The following SLC4A10 variants were observed in gnomAD, a reference collection of about 807,000 sequenced individuals.
SLC4A10 encodes the protein solute carrier family 4 member 10, also known as sodium-driven chloride bicarbonate exchanger.
Under a neutral mutation model 137.7 loss-of-function variants are expected in SLC4A10, and 42 were observed. The observed-to-expected ratio is 0.30, with a 90% CI of 0.24 to 0.39. The LOEUF (loss-of-function observed/expected upper bound fraction) is 0.39. Among genes scored for constraint, SLC4A10 ranks in the 10% least tolerant of loss-of-function variants. The pLI is 1.00. For missense variants in SLC4A10, 925 were observed against 1,355.0 expected (o/e 0.68, Z 4.98); for synonymous variants, 474 against 464.1 (o/e 1.02, Z -0.27).
At chr2:161,882,195 A>C (rs1209323055) in intron 9 of SLC4A10, among the ~76,000 whole-genome samples, 162 bp from the exon 10 acceptor site, 1 of 151,882 alleles carries the variant, frequency 6.6e-6, no homozygotes, top group Admixed American at 6.6e-5. Context: ...AGGGTCAATC[A>C]TGGTAAAATT....
At chr2:161,681,971 G>T (rs766543161) in intron 1 of SLC4A10, among the ~76,000 whole-genome samples, 3 of 152,078 alleles carry the variant, frequency 2.0e-5, no homozygotes, top group Non-Finnish European at 4.4e-5. Flanking sequence ...ATTTAAAAAT[G>T]TATTTTGACT....
chr2:161,973,387 A>G (rs1040936338), intron 23 of SLC4A10, among the ~76,000 whole-genome samples: 3 of 152,178 alleles, frequency 2.0e-5, no homozygotes, highest in Non-Finnish European at 2.9e-5. Flanking sequence ...CGAAACCAGA[A>G]TTTTCCAGTA....
intron 1 of SLC4A10, among the ~76,000 whole-genome samples, chr2:161,680,571 TAG>T (rs75963808): frequency 0.074 from 11,313 of 152,036 alleles, 535 homozygotes; most frequent in East Asian, 0.14. Context: ...GAGGATCTGA[TAG>T]AGAGTTTTAA....
chr2:161,687,489 C>T (rs1162719116), intron 1 of SLC4A10, among the ~76,000 whole-genome samples: 1 of 152,130 alleles, frequency 6.6e-6, no homozygotes, highest in Non-Finnish European at 1.5e-5. Flanking sequence ...CAATGTTTTT[C>T]ATTTTAATTG....
rs753500503 is a variant in SLC4A10 at position 161,669,521 on chromosome 2, A to G, written c.48+44955A>G. On this transcript the variant is annotated intron_variant, in intron 1 of 26. Coordinates refer to ENST00000446997, the MANE Select transcript of SLC4A10 (RefSeq NM_001178015.2). ...TGCCATAGTTACTTTTGGTATAATTAATTTGTCATACAAATACTATTATAT... is the reference window on the plus strand; with the variant it reads ...TGCCATAGTTACTTTTGGTATAATTGATTTGTCATACAAATACTATTATAT... Among the ~76,000 whole-genome samples, 173 of 151,970 alleles carry G rather than the reference A, an allele frequency of 1.1e-3. 2 individuals are homozygous for G. The highest frequency in any genetic ancestry group is 1.8e-3 in the Admixed American group (27 of 15,220).
At chr2:161,849,143 G>A (rs775746199) in intron 4 of SLC4A10, among the ~76,000 whole-genome samples, 1 of 152,000 alleles carries the variant, frequency 6.6e-6, no homozygotes, top group Non-Finnish European at 1.5e-5. Flanking sequence ...GTATTCCTAG[G>A]TATTTTATGA....
At chr2:161,697,342 G>A (rs1170709738) in intron 1 of SLC4A10, among the ~76,000 whole-genome samples, 1 of 152,086 alleles carries the variant, frequency 6.6e-6, no homozygotes, top group Non-Finnish European at 1.5e-5. Context: ...GGCTTTTGTT[G>A]CCATTGCTTT....
intron 1 of SLC4A10, among the ~76,000 whole-genome samples, chr2:161,761,956 G>A (rs1198363309): frequency 1.3e-5 from 2 of 151,980 alleles, no homozygotes; most frequent in African/African-American, 4.8e-5. Context: ...CTACATTAGA[G>A]GATTTTACCC....
intron 4 of SLC4A10, among the ~76,000 whole-genome samples, chr2:161,846,483 C>A (rs2059504107): frequency 6.6e-6 from 1 of 152,082 alleles, no homozygotes; most frequent in Non-Finnish European, 1.5e-5. Context: ...GCATTTATCC[C>A]AGAGTAATGA....
At chr2:161,936,188 G>T (rs1691550066) in intron 15 of SLC4A10, among the ~76,000 whole-genome samples, 1 of 151,956 alleles carries the variant, frequency 6.6e-6, no homozygotes, top group African/African-American at 2.4e-5. Context: ...TTAATTTGCT[G>T]GTATATTTTG....
At chr2:161,894,291 A>C (rs1285717017) in intron 10 of SLC4A10, among the ~76,000 whole-genome samples, 2 of 152,118 alleles carry the variant, frequency 1.3e-5, no homozygotes, top group African/African-American at 4.8e-5. Context: ...GCCAGGGTAT[A>C]AATACTGCTG....
intron 1 of SLC4A10, among the ~76,000 whole-genome samples, chr2:161,693,946 T>C (rs2042244414): frequency 6.6e-6 from 1 of 151,968 alleles, no homozygotes; most frequent in African/African-American, 2.4e-5. Flanking sequence ...AGTGCAGATA[T>C]CAAAATTGTG....
At chr2:161,912,444 A>G (rs781701745) in intron 15 of SLC4A10, among the ~76,000 whole-genome samples, 10 of 152,122 alleles carry the variant, frequency 6.6e-5, no homozygotes, top group Non-Finnish European at 1.3e-4. Flanking sequence ...TGCTTCCTGA[A>G]CTGACCTAGA....
chr2:161,652,842 A>G (rs1053853862), intron 1 of SLC4A10, among the ~76,000 whole-genome samples: 1 of 86,328 alleles, frequency 1.2e-5, no homozygotes, highest in African/African-American at 3.6e-5. Flanking sequence ...ATACAACTGC[A>G]GAATATACAT....
At chr2:161,879,068 A>G in intron 8 of SLC4A10, 63 bp from the exon 9 acceptor site, 1 of 1,493,466 alleles carries the variant, frequency 6.7e-7, no homozygotes, top group Non-Finnish European at 9.2e-7. Context: ...GCACTGTGCA[A>G]GAATATGATT....
intron 1 of SLC4A10, among the ~76,000 whole-genome samples, chr2:161,655,765 A>T (rs2037426404): frequency 6.6e-6 from 1 of 152,170 alleles, no homozygotes; most frequent in Non-Finnish European, 1.5e-5. Flanking sequence ...GATGAAGTAC[A>T]TGCAAAAGCA....
chr2:161,762,606 G>C (rs945668366), intron 1 of SLC4A10, among the ~76,000 whole-genome samples: 5 of 151,834 alleles, frequency 3.3e-5, no homozygotes, highest in African/African-American at 9.7e-5. Context: ...TCTTAATTTT[G>C]TAATGTAACA....
chr2:161,894,871 C>G, intron 11 of SLC4A10, 46 bp downstream of exon 11: 1 of 1,157,874 alleles, frequency 8.6e-7, no homozygotes, highest in Non-Finnish European at 1.1e-6. Context: ...TTTTTTTTGT[C>G]TTTTAAATGC....
At chr2:161,647,753 C>T (rs995050344) in intron 1 of SLC4A10, among the ~76,000 whole-genome samples, 1 of 152,104 alleles carries the variant, frequency 6.6e-6, no homozygotes, top group Non-Finnish European at 1.5e-5. Context: ...CTTCAGTTTC[C>T]TTAACACTTA....
Sources: gnomAD v4.1 joint callset for allele counts (sites outside exome capture counted in the v4.1 genomes callset) on GRCh38, gnomAD v4.1.1 for gene constraint, MANE v1.5 for transcripts, NCBI Gene and HGNC (gene_info 2026-07-23, HGNC 2026-07-21) for gene names.